Variants in EFCAB11 observed in about 807,000 individuals in gnomAD.
EFCAB11 encodes EF-hand calcium-binding domain-containing protein 11.
In EFCAB11, 14 loss-of-function variants were observed where a neutral mutation model predicts 23.0. That is an observed-to-expected ratio of 0.61 (90% confidence interval 0.40 to 0.95). The LOEUF (loss-of-function observed/expected upper bound fraction) is 0.95, where lower values mean the gene tolerates loss of function less well. Ranked by LOEUF, EFCAB11 falls within the 40% of genes least tolerant of loss-of-function variation. EFCAB11 has a pLI of 0.00. For missense variants in EFCAB11, 198 were observed against 195.8 expected (o/e 1.01, Z -0.07); for synonymous variants, 65 against 66.6 (o/e 0.98, Z 0.11).
At chr14:89,954,438 C>T in intron 1 of EFCAB11, 148 bp downstream of exon 1, 3 of 1,537,190 alleles carry the variant, frequency 2.0e-6, no homozygotes, top group Non-Finnish European at 2.6e-6. Context: ...CCCTGCAGCT[C>T]CAGGATCAGT....
intron 5 of EFCAB11, chr14:89,837,152 C>A: frequency 2.2e-6 from 1 of 455,506 alleles, no homozygotes; most frequent in Middle Eastern, 5.0e-4. Flanking sequence ...GCCTCTGCAA[C>A]ATACAGAAAT....
In EFCAB11 at chr14:89,797,200, A is replaced by G. The variant is rs370199025; in HGVS notation, c.*43T>C. On this transcript the variant is annotated 3_prime_UTR_variant, in exon 6 of 6. Coordinates refer to ENST00000316738, the MANE Select transcript of EFCAB11 (RefSeq NM_145231.4). Reference sequence around the variant, plus strand: ...TAGAGTCGAGTCTGCTGACATTACAATCTATTGATCTCCCCAGAGTTACCA... The same window carrying G: ...TAGAGTCGAGTCTGCTGACATTACAGTCTATTGATCTCCCCAGAGTTACCA... 10 of 1,527,844 alleles carry G rather than the reference A, an allele frequency of 6.5e-6. No homozygotes were observed. Among genetic ancestry groups the G allele is most frequent in the South Asian group, 2.3e-5 (2 of 88,552 alleles). The allele number at this position is 1,527,844 out of a possible 1,614,324, so 94.6% of individuals were successfully genotyped here.
At chr14:89,948,464 C>A (rs1891052766) in intron 3 of EFCAB11, among the ~76,000 whole-genome samples, 1 of 152,168 alleles carries the variant, frequency 6.6e-6, no homozygotes, top group Non-Finnish European at 1.5e-5. Flanking sequence ...ACCATATGAT[C>A]CAGCAATCCC....
At chr14:89,908,453 T>C (rs28733214) in intron 5 of EFCAB11, among the ~76,000 whole-genome samples, 32,429 of 152,092 alleles carry the variant, frequency 0.21, 4,360 homozygotes, top group African/African-American at 0.36. Context: ...GAAAATTCCA[T>C]ACATAAGTAT....
rs143871017 is a variant in EFCAB11, at chr14:89,836,224, G to A, written c.411-38900C>T. Among the ~76,000 whole-genome samples the A allele has an allele frequency of 4.5e-4, 68 of 151,930 alleles. 1 individual carries two copies. Among genetic ancestry groups the A allele is most frequent in the Admixed American group, 2.2e-3 (33 of 15,260 alleles). On this transcript the variant is annotated intron_variant, in intron 5 of 5. Transcript: ENST00000316738. ...CCAGCATAAGACTCAGGACAGAGGC[G>A]ACCCTACCCTGGGCCCTGCATTTTA...
chr14:89,872,751 A>G (rs1459212201), intron 5 of EFCAB11, among the ~76,000 whole-genome samples: 1 of 152,122 alleles, frequency 6.6e-6, no homozygotes, highest in Non-Finnish European at 1.5e-5. Flanking sequence ...CCCTAATCCA[A>G]TATGACTGTA....
chr14:89,843,450 T>C (rs1887334360), intron 5 of EFCAB11, among the ~76,000 whole-genome samples: 1 of 152,186 alleles, frequency 6.6e-6, no homozygotes, highest in South Asian at 2.1e-4. Context: ...CTCTCCTGCT[T>C]CCGAATTTCC....
At chr14:89,890,595 C>A (rs184671059) in intron 5 of EFCAB11, among the ~76,000 whole-genome samples, 1 of 152,270 alleles carries the variant, frequency 6.6e-6, no homozygotes, top group East Asian at 1.9e-4. Flanking sequence ...TTTGGATACT[C>A]AGATCAACTC....
At chr14:89,925,534 C>T (rs1023074882) in intron 5 of EFCAB11, among the ~76,000 whole-genome samples, 7 of 152,084 alleles carry the variant, frequency 4.6e-5, no homozygotes, top group Non-Finnish European at 8.8e-5. Context: ...GAACTTCTGC[C>T]ATTTTTAATG....
intron 5 of EFCAB11, among the ~76,000 whole-genome samples, chr14:89,877,377 G>C (rs952045116): frequency 5.3e-5 from 8 of 152,118 alleles, no homozygotes; most frequent in Admixed American, 2.6e-4. Context: ...GTTACATGCA[G>C]TGAAATCAGG....
At chr14:89,831,333 T>C (rs1021708041) in intron 5 of EFCAB11, 1 of 152,230 alleles carries the variant, frequency 6.6e-6, no homozygotes, top group African/African-American at 2.4e-5. Context: ...GAGATGTCTA[T>C]CTCACATTCA....
chr14:89,864,434 T>C (rs1289475315), intron 5 of EFCAB11, among the ~76,000 whole-genome samples: 1 of 151,234 alleles, frequency 6.6e-6, no homozygotes, highest in African/African-American at 2.4e-5. Context: ...GTTTCCTTCC[T>C]TTTTTTTTCA....
intron 5 of EFCAB11, chr14:89,923,694 C>T (rs1890091955): frequency 5.1e-6 from 5 of 985,350 alleles, no homozygotes. Flanking sequence ...GTCATAGTCA[C>T]TAAATTAGGT....
At chr14:89,830,221 A>G (rs556934527) in intron 5 of EFCAB11, 1 of 152,324 alleles carries the variant, frequency 6.6e-6, no homozygotes, top group East Asian at 1.9e-4. Context: ...TAAAAACTTT[A>G]AATATTTATC....
At chr14:89,873,511 A>G (rs777954559) in intron 5 of EFCAB11, among the ~76,000 whole-genome samples, 42 of 152,280 alleles carry the variant, frequency 2.8e-4, no homozygotes, top group Non-Finnish European at 4.3e-4. Context: ...ATTAACTCAA[A>G]AGTCCACAGT....
At position 89,932,616 on chromosome 14, in the gene EFCAB11, C is replaced by A. The variant is rs144958103; in HGVS notation, c.229G>T (p.Glu77Ter). Residue 77 changes from glutamate (E) to a stop codon, truncating the protein, a stop_gained, in exon 4 of 6, where the codon GAG (glutamate) becomes TAG (stop). Coordinates refer to ENST00000316738, the MANE Select transcript of EFCAB11 (RefSeq NM_145231.4). LOFTEE classifies it high-confidence loss of function. ...TTCCTGACAATATTTAAAAACCCCT[C>A]GAGTAATATACCTAAAAGTTGGGGA... is the stretch of plus-strand genomic sequence containing the variant. ...INPNTSGILL[E>*]GFLNIVRKKK... 3 of 1,613,094 alleles carry A rather than the reference C, an allele frequency of 1.9e-6. No homozygotes were observed. The highest frequency in any genetic ancestry group is 2.5e-6 in the Non-Finnish European group (3 of 1,179,528).
intron 2 of EFCAB11, among the ~76,000 whole-genome samples, chr14:89,953,696 G>A (rs1891285067): frequency 6.6e-6 from 1 of 152,230 alleles, no homozygotes; most frequent in South Asian, 2.1e-4. Flanking sequence ...CTGGTGGTGA[G>A]ATAGGCTTGT....
intron 5 of EFCAB11, among the ~76,000 whole-genome samples, chr14:89,885,373 T>C (rs1012540496): frequency 6.6e-6 from 1 of 152,074 alleles, no homozygotes; most frequent in Non-Finnish European, 1.5e-5. Context: ...AAAGATTCAA[T>C]ATAAATTCAA....
intron 5 of EFCAB11, among the ~76,000 whole-genome samples, chr14:89,843,678 A>G (rs1887342383): frequency 6.6e-6 from 1 of 152,222 alleles, no homozygotes; most frequent in Non-Finnish European, 1.5e-5. Context: ...GTTAACATAT[A>G]TTGGGGCATC....
Sources: allele counts gnomAD v4.1 joint callset (sites outside exome capture counted in the v4.1 genomes callset), GRCh38; gene constraint gnomAD v4.1.1; transcripts MANE v1.5; gene names NCBI Gene and HGNC (gene_info 2026-07-23, HGNC 2026-07-21).